GRIP1: variants seen among roughly 807,000 people sequenced by gnomAD.
GRIP1 encodes the protein glutamate receptor interacting protein 1.
GRIP1 carries 45 observed loss-of-function variants against 129.9 expected under a neutral mutation model. The observed-to-expected ratio is 0.35, with a 90% CI of 0.27 to 0.44. GRIP1 has a LOEUF of 0.44. GRIP1 is among the 20% of genes least tolerant of loss of function. The pLI is 1.00. For missense variants in GRIP1, 1,196 were observed against 1,396.8 expected, an observed-to-expected ratio of 0.86 and a Z score of 2.29; for synonymous variants, 530 against 520.8, an observed-to-expected ratio of 1.02 and a Z score of -0.24.
chr12:66,833,739 A>G (rs2039559250), intron 1 of GRIP1, among the ~76,000 whole-genome samples: 1 of 152,230 alleles, frequency 6.6e-6, no homozygotes, highest in South Asian at 2.1e-4. Context: ...CAAGTAAAAC[A>G]AGTCACAACA....
intron 1 of GRIP1, among the ~76,000 whole-genome samples, chr12:66,706,977 C>CTT (rs71069015): frequency 4.0e-5 from 6 of 148,344 alleles, no homozygotes; most frequent in Admixed American, 1.3e-4. Flanking sequence ...CCATGTATCC[C>CTT]TTTTTTTTTT....
chr12:66,623,128 T>C (rs2065347404), intron 1 of GRIP1, among the ~76,000 whole-genome samples: 1 of 152,154 alleles, frequency 6.6e-6, no homozygotes, highest in Admixed American at 6.6e-5. Context: ...ACTAATAGCC[T>C]TGCCAAAAGT....
chr12:66,613,740 G>A (rs1341549443), intron 1 of GRIP1, among the ~76,000 whole-genome samples: 3 of 152,058 alleles, frequency 2.0e-5, no homozygotes, highest in Admixed American at 6.6e-5. Context: ...AGCTGGCCAG[G>A]GCAAATCGAT....
At chr12:66,558,510 C>T (rs1354312451) in intron 2 of GRIP1, among the ~76,000 whole-genome samples, 1 of 151,912 alleles carries the variant, frequency 6.6e-6, no homozygotes, top group African/African-American at 2.4e-5. Flanking sequence ...GGAAAACAGC[C>T]AAATCATATG....
intron 2 of GRIP1, among the ~76,000 whole-genome samples, chr12:66,578,467 G>A (rs901799044): frequency 9.2e-5 from 14 of 152,134 alleles, no homozygotes; most frequent in African/African-American, 1.4e-4. Context: ...TGCCTCACTC[G>A]GGAAGTGCAA....
At chr12:66,477,031 A>G (rs1159145550) in intron 7 of GRIP1, among the ~76,000 whole-genome samples, 1 of 152,246 alleles carries the variant, frequency 6.6e-6, no homozygotes, top group African/African-American at 2.4e-5. Context: ...TAGCCAGGGC[A>G]ATCAGACAGG....
At chr12:66,986,921 C>T (rs909557335) in intron 1 of GRIP1, among the ~76,000 whole-genome samples, 2 of 151,334 alleles carry the variant, frequency 1.3e-5, no homozygotes. Flanking sequence ...GGAATTCCTA[C>T]TAGAAATTCT....
intron 1 of GRIP1, among the ~76,000 whole-genome samples, chr12:66,977,611 A>G (rs533689620): frequency 6.6e-6 from 1 of 152,172 alleles, no homozygotes; most frequent in East Asian, 1.9e-4. Flanking sequence ...TTTCAACACC[A>G]TAGATTAGTT....
chr12:66,464,104 G>A (rs1427231989), intron 8 of GRIP1, among the ~76,000 whole-genome samples: 2 of 152,194 alleles, frequency 1.3e-5, no homozygotes, highest in Non-Finnish European at 2.9e-5. Flanking sequence ...ACATACAGGG[G>A]AGACTGGTCA....
chr12:66,456,118 G>T, intron 10 of GRIP1, 69 bp downstream of exon 10: 1 of 948,904 alleles, frequency 1.1e-6, no homozygotes, highest in Non-Finnish European at 1.5e-6. Flanking sequence ...AGCCAAAGAT[G>T]AGAAAAGGAG....
intron 11 of GRIP1, among the ~76,000 whole-genome samples, chr12:66,446,094 G>GCCCCCCCCCCCCCCCCC (rs1555185775): frequency 5.0e-5 from 7 of 140,500 alleles, no homozygotes; most frequent in African/African-American, 1.1e-4. Flanking sequence ...CATTCCTCCT[G>GCCCCCCCCCCCCCCCCC]CCGCCCCCCA....
chr12:66,957,864 T>A (rs2041866232), intron 1 of GRIP1, among the ~76,000 whole-genome samples: 1 of 152,214 alleles, frequency 6.6e-6, no homozygotes, highest in Non-Finnish European at 1.5e-5. Context: ...TAAACCATAC[T>A]TAAGAAGTGG....
intron 7 of GRIP1, among the ~76,000 whole-genome samples, chr12:66,477,384 C>T (rs1188374361): frequency 6.6e-6 from 1 of 151,730 alleles, no homozygotes; most frequent in African/African-American, 2.4e-5. Context: ...AAAGAGGATA[C>T]AAACAAATGG....
At chr12:66,373,906 C>T (rs2055656970) in intron 22 of GRIP1, among the ~76,000 whole-genome samples, 1 of 152,070 alleles carries the variant, frequency 6.6e-6, no homozygotes, top group Admixed American at 6.5e-5. Flanking sequence ...AGCAACTTGC[C>T]CAAGAGCCTG....
At chr12:66,364,769 T>C (rs2055033920) in intron 23 of GRIP1, among the ~76,000 whole-genome samples, 2 of 152,202 alleles carry the variant, frequency 1.3e-5, no homozygotes, top group Non-Finnish European at 2.9e-5. Flanking sequence ...CCATTATTTA[T>C]TCAGTGAAGC....
At chr12:66,357,984 C>T (rs565911902) in intron 23 of GRIP1, among the ~76,000 whole-genome samples, 1 of 152,160 alleles carries the variant, frequency 6.6e-6, no homozygotes, top group African/African-American at 2.4e-5. Flanking sequence ...ACCTCCACCT[C>T]CTGGGTTCAA....
At chr12:66,573,191 C>T (rs2063023723) in intron 2 of GRIP1, among the ~76,000 whole-genome samples, 1 of 152,080 alleles carries the variant, frequency 6.6e-6, no homozygotes, top group African/African-American at 2.4e-5. Context: ...CTGAAGGCAG[C>T]CTCTGGGGCT....
chr12:66,609,544 C>T (rs188380225), intron 1 of GRIP1, among the ~76,000 whole-genome samples: 2 of 152,304 alleles, frequency 1.3e-5, no homozygotes, highest in Admixed American at 1.3e-4. Context: ...AAATTATCTT[C>T]ATTTGCTTCT....
chr12:66,821,006 T>G (rs1048721401), intron 1 of GRIP1, among the ~76,000 whole-genome samples: 4 of 152,148 alleles, frequency 2.6e-5, no homozygotes, highest in Non-Finnish European at 5.9e-5. Flanking sequence ...CTATGGACTT[T>G]GGGAGATAAT....
Sources: allele counts gnomAD v4.1 joint callset (sites outside exome capture counted in the v4.1 genomes callset), GRCh38; gene constraint gnomAD v4.1.1; transcripts MANE v1.5; gene names NCBI Gene and HGNC (gene_info 2026-07-23, HGNC 2026-07-21).